Variants in SNX7 observed in about 807,000 individuals in gnomAD.
SNX7 encodes the protein sorting nexin-7.
In SNX7, 35 loss-of-function variants were observed where a neutral mutation model predicts 48.4. The ratio of observed to expected loss-of-function variants is 0.72; its 90% CI spans 0.55 to 0.96. SNX7 has a LOEUF of 0.96. Ranked by LOEUF, SNX7 falls within the 40% of genes least tolerant of loss-of-function variation. The probability of loss-of-function intolerance (pLI) is 0.00; values close to 1 mark genes in which losing one functional copy is unlikely to be tolerated. For synonymous variants in SNX7, 190 were observed against 190.2 expected (o/e 1.00, Z 0.01); for missense variants, 553 against 548.9 (o/e 1.01, Z -0.07).
At chr1:98,683,164 C>T (rs530161016) in intron 1 of SNX7, among the ~76,000 whole-genome samples, 2 of 152,192 alleles carry the variant, frequency 1.3e-5, no homozygotes, top group South Asian at 4.2e-4. Flanking sequence ...CTATCTGCTT[C>T]CTCTAATCTT....
intron 7 of SNX7, among the ~76,000 whole-genome samples, chr1:98,714,802 C>T (rs370882057): frequency 3.3e-5 from 5 of 152,106 alleles, no homozygotes; most frequent in African/African-American, 9.7e-5. Context: ...TGAAAGCGAG[C>T]GGACGAACAA....
chr1:98,664,357 A>G (rs900517184), intron 1 of SNX7, among the ~76,000 whole-genome samples: 4 of 152,198 alleles, frequency 2.6e-5, no homozygotes. Flanking sequence ...GTGAAACCCC[A>G]TCTTTACTAA....
intron 1 of SNX7, chr1:98,662,843 C>T (rs991600073): frequency 3.1e-6 from 4 of 1,288,470 alleles, no homozygotes; most frequent in African/African-American, 1.5e-5. Flanking sequence ...ACTTAACCAC[C>T]GCATTTACTC....
intron 7 of SNX7, among the ~76,000 whole-genome samples, chr1:98,728,662 A>T (rs1381682769): frequency 2.6e-5 from 4 of 152,194 alleles, no homozygotes; most frequent in Non-Finnish European, 5.9e-5. Flanking sequence ...AGTTTCTGAC[A>T]GACAGACTTT....
At chr1:98,697,444 G>C (rs1318554962) in intron 5 of SNX7, among the ~76,000 whole-genome samples, 1 of 151,874 alleles carries the variant, frequency 6.6e-6, no homozygotes, top group Admixed American at 6.6e-5. Flanking sequence ...ACAAAAAACG[G>C]TCACTGCTTA....
At chr1:98,697,837 A>C (rs768519383) in intron 5 of SNX7, among the ~76,000 whole-genome samples, 2 of 152,122 alleles carry the variant, frequency 1.3e-5, no homozygotes, top group Non-Finnish European at 2.9e-5. Flanking sequence ...GAATCAGAGG[A>C]GATTTATTTG....
intron 8 of SNX7, among the ~76,000 whole-genome samples, chr1:98,739,341 C>A (rs1280877623): frequency 1.3e-5 from 2 of 152,072 alleles, no homozygotes; most frequent in African/African-American, 4.8e-5. Flanking sequence ...GGTTGAGGAC[C>A]CCTGTAATTT....
chr1:98,698,603 G>A (rs1397889171), intron 5 of SNX7, 103 bp from the exon 6 acceptor site: 2 of 957,450 alleles, frequency 2.1e-6, no homozygotes, highest in African/African-American at 1.7e-5. Context: ...GTAAGAACAT[G>A]TGCACTGTGA....
chr1:98,694,225 C>T (rs1310709080), intron 4 of SNX7, among the ~76,000 whole-genome samples: 1 of 151,948 alleles, frequency 6.6e-6, no homozygotes, highest in African/African-American at 2.4e-5. Flanking sequence ...AAAAAATTAG[C>T]CGGGCGCGGT....
chr1:98,681,394 A>G (rs372867207), intron 1 of SNX7, among the ~76,000 whole-genome samples: 20 of 152,176 alleles, frequency 1.3e-4, no homozygotes, highest in African/African-American at 3.9e-4. Context: ...GGAGTTTGAG[A>G]CCAGCCAGGG....
chr1:98,702,978 C>T (rs1651827608), intron 7 of SNX7, among the ~76,000 whole-genome samples: 1 of 152,000 alleles, frequency 6.6e-6, no homozygotes, highest in African/African-American at 2.4e-5. Flanking sequence ...ACTCTGCATC[C>T]CCCCTCCCTG....
chr1:98,735,477 CA>C (rs1441797259), intron 7 of SNX7, among the ~76,000 whole-genome samples: 1 of 152,038 alleles, frequency 6.6e-6, no homozygotes, highest in Non-Finnish European at 1.5e-5. Flanking sequence ...ATATTTAAGG[CA>C]TATGTGTCAT....
rs190422134 is a variant in SNX7 at position 98,729,644 on chromosome 1, T to C, written c.1126-8593T>C. 2.0e-5 allele frequency among the ~76,000 whole-genome samples: 3 copies of C among 151,812 alleles called. No homozygotes were observed. In the East Asian group the frequency reaches 5.8e-4, roughly 29 times the overall value. ...AATACTATAAACACCTCTATGCAAA[T>C]AAACTAAGAAATCTAGAAGAAACTG... On this transcript the variant is annotated intron_variant, in intron 7 of 8. Transcript: ENST00000306121.
rs372352743 is a variant in SNX7, at chr1:98,713,527, A to G, written c.1125+11624A>G. On this transcript the variant is annotated intron_variant, in intron 7 of 8. Coordinates refer to ENST00000306121, the MANE Select transcript of SNX7 (RefSeq NM_015976.5). ...TTCCAAGAACTTTTTCTTTGCATTCAGAACTTGTCTAACTGTTCTGTGCAA... is the reference window on the plus strand; with the variant it reads ...TTCCAAGAACTTTTTCTTTGCATTCGGAACTTGTCTAACTGTTCTGTGCAA... 2.6e-5 allele frequency among the ~76,000 whole-genome samples: 4 copies of G among 152,256 alleles called. No individual in the cohort carries two copies. In the East Asian group the frequency reaches 7.7e-4, roughly 29 times the overall value.
At chr1:98,734,729 T>G (rs1653689109) in intron 7 of SNX7, among the ~76,000 whole-genome samples, 1 of 152,208 alleles carries the variant, frequency 6.6e-6, no homozygotes, top group South Asian at 2.1e-4. Context: ...TTTGTGTGGC[T>G]AATTTCTAGC....
chr1:98,758,942 C>G (rs879666248), intron 8 of SNX7, among the ~76,000 whole-genome samples: 59 of 152,074 alleles, frequency 3.9e-4, no homozygotes, highest in Middle Eastern at 3.4e-3. Flanking sequence ...TACACACACA[C>G]ACACACACAT....
In SNX7 at chr1:98,667,783, G is replaced by C. The variant is rs867728736; in HGVS notation, c.180+5872G>C. Among the ~76,000 whole-genome samples, 4 of 151,962 alleles carry C rather than the reference G, an allele frequency of 2.6e-5. No individual in the cohort carries two copies. In the South Asian group the frequency reaches 6.2e-4, roughly 24 times the overall value. ...CAAGTAACTTAATGTCAATGCGTCAGATTTTTCATCTGTAAAATGAGGATA... is the reference window on the plus strand; with the variant it reads ...CAAGTAACTTAATGTCAATGCGTCACATTTTTCATCTGTAAAATGAGGATA... On this transcript the variant is annotated intron_variant, in intron 1 of 8. Transcript: ENST00000306121.
At chr1:98,672,386 T>C (rs546913165) in intron 1 of SNX7, among the ~76,000 whole-genome samples, 13 of 150,688 alleles carry the variant, frequency 8.6e-5, no homozygotes, top group Non-Finnish European at 1.5e-4. Flanking sequence ...ACTGCCATTG[T>C]CCAAAGCAAG....
chr1:98,676,137 C>G (rs373038999), intron 1 of SNX7, among the ~76,000 whole-genome samples: 1 of 151,906 alleles, frequency 6.6e-6, no homozygotes, highest in Admixed American at 6.6e-5. Context: ...GCCCATCCCC[C>G]CAGTCATACA....
Sources: gnomAD v4.1 joint callset for allele counts (sites outside exome capture counted in the v4.1 genomes callset) on GRCh38, gnomAD v4.1.1 for gene constraint, MANE v1.5 for transcripts, NCBI Gene and HGNC (gene_info 2026-07-23, HGNC 2026-07-21) for gene names.